FLRT2: variants seen among roughly 807,000 people sequenced by gnomAD.
FLRT2 encodes leucine-rich repeat transmembrane protein FLRT2.
A neutral mutation model predicts 40.0 loss-of-function variants in FLRT2; 15 were observed. The observed-to-expected ratio is 0.38, with a 90% CI of 0.25 to 0.58. FLRT2 has a LOEUF of 0.58. FLRT2 is among the 20% of genes least tolerant of loss of function. FLRT2 has a pLI of 0.71. For synonymous variants in FLRT2, 380 were observed against 336.8 expected (o/e 1.13, Z -1.41); for missense variants, 726 against 840.0 (o/e 0.86, Z 1.68).
rs926856205 is a variant in FLRT2, at chr14:85,594,848, C to T, written c.-376-26291C>T. Among the ~76,000 whole-genome samples, 3 of 152,188 alleles carry T rather than the reference C, an allele frequency of 2.0e-5. No individual in the cohort carries two copies. In the East Asian group the frequency reaches 5.8e-4, roughly 29 times the overall value. ...TAATAGCCTATTGTTGAGTGGAAGC[C>T]TCACCAATAACACAGTCGATTAACA... On this transcript the variant is annotated intron_variant, in intron 1 of 1. Coordinates refer to ENST00000330753, the MANE Select transcript of FLRT2 (RefSeq NM_013231.6).
intron 1 of FLRT2, among the ~76,000 whole-genome samples, chr14:85,602,894 C>T (rs368452030): frequency 3.3e-5 from 5 of 152,190 alleles, no homozygotes; most frequent in Non-Finnish European, 5.9e-5. Flanking sequence ...TTTAGGGTTT[C>T]GGGTTTTTTT....
rs565500720 is a variant in FLRT2 at position 85,633,370 on chromosome 14, T to C, written c.*9873T>C. 7 of 152,268 alleles carry C rather than the reference T, an allele frequency of 4.6e-5. No homozygotes were observed. In the South Asian group the frequency reaches 1.5e-3, roughly 32 times the overall value. The allele number at this position is 152,268 out of a possible 1,614,324, so 9.4% of individuals were successfully genotyped here. The stretch of plus-strand genomic sequence containing the variant: ...AAAGAGAACAGACTTCTTTATAATG[T>C]AGCATATATTCTATCTGGTTGCTAG... On this transcript the variant is annotated 3_prime_UTR_variant, in exon 2 of 2. Transcript: ENST00000330753.
intron 1 of FLRT2, among the ~76,000 whole-genome samples, chr14:85,544,497 GTTA>G (rs918980922): frequency 2.4e-4 from 37 of 152,208 alleles, no homozygotes; most frequent in African/African-American, 8.7e-4. Context: ...TTTTTTGCTT[GTTA>G]TTATTTTGTT....
intron 1 of FLRT2, among the ~76,000 whole-genome samples, chr14:85,555,989 T>A (rs546609885): frequency 2.5e-4 from 38 of 152,302 alleles, no homozygotes; most frequent in African/African-American, 9.1e-4. Context: ...GTTTCTAATT[T>A]CTAGCAATGA....
rs1285065904 is a variant in FLRT2 at position 85,636,404 on chromosome 14, A to AC, written c.*12907_*12908insC. On this transcript the variant is annotated 3_prime_UTR_variant, in exon 2 of 2. Coordinates refer to ENST00000330753, the MANE Select transcript of FLRT2 (RefSeq NM_013231.6). ...AGTCACCTGCAGAAAAAAAAAAAAA[A>AC]AAAACAAAAAACATTCTTATTAATC... 11 of 86,290 alleles carry AC rather than the reference A, an allele frequency of 1.3e-4. No individual in the cohort carries two copies. Among genetic ancestry groups the AC allele is most frequent in the Non-Finnish European group, 2.3e-4 (8 of 34,952 alleles). The allele number at this position is 86,290 out of a possible 1,614,324, so 5.3% of individuals were successfully genotyped here. A position where few individuals can be genotyped will look rare whatever the true frequency, so the allele number is the denominator to read the frequency against.
chr14:85,627,428 G>A lies in FLRT2; in HGVS notation c.*3931G>A, dbSNP rs754320622. 5.4e-5 allele frequency: 9 copies of A among 167,034 alleles called. No individual in the cohort carries two copies. Among genetic ancestry groups the A allele is most frequent in the Non-Finnish European group, 8.8e-5 (6 of 68,110 alleles). The allele number at this position is 167,034 out of a possible 1,614,324, so 10.3% of individuals were successfully genotyped here. ...GAATGCTTGTCACTGTGGAGAAAGA[G>A]TTTTGTATATGTCTGATACCGTTGT... On this transcript the variant is annotated 3_prime_UTR_variant, in exon 2 of 2. Transcript: ENST00000330753.
In FLRT2 at chr14:85,530,317, G is replaced by A. The variant is rs1888193066; in HGVS notation, c.-594G>A. 1.3e-5 allele frequency: 2 copies of A among 152,778 alleles called. No homozygotes were observed. The highest frequency in any genetic ancestry group is 4.8e-5 in the African/African-American group (2 of 41,578). 9.5% of individuals were successfully genotyped at this position (152,778 alleles called of 1,614,324 possible). A position where few individuals can be genotyped will look rare whatever the true frequency, so the allele number is the denominator to read the frequency against. ...TCCTCCGTCCCTGGTGCCCAGCAGC[G>A]GCGAGGCGGCATCTCCGCTCCCGCC... On this transcript the variant is annotated 5_prime_UTR_variant, in exon 1 of 2. Coordinates refer to ENST00000330753, the MANE Select transcript of FLRT2 (RefSeq NM_013231.6).
intron 1 of FLRT2, among the ~76,000 whole-genome samples, chr14:85,546,481 C>T (rs1889287922): frequency 6.6e-6 from 1 of 152,110 alleles, no homozygotes; most frequent in African/African-American, 2.4e-5. Flanking sequence ...GGTGTGGTAG[C>T]AGTTAGGTGA....
chr14:85,565,357 C>T (rs1210871734), intron 1 of FLRT2, among the ~76,000 whole-genome samples: 1 of 152,146 alleles, frequency 6.6e-6, no homozygotes, highest in African/African-American at 2.4e-5. Flanking sequence ...TAATCTGTCA[C>T]ATTCATTTTA....
rs1429868260 is a variant in FLRT2 at position 85,632,707 on chromosome 14, G to A, written c.*9210G>A. 6.6e-6 allele frequency: 1 copy of A among 151,950 alleles called. No individual in the cohort carries two copies. The highest frequency in any genetic ancestry group is 1.5e-5 in the Non-Finnish European group (1 of 68,026). 9.4% of individuals were successfully genotyped at this position (151,950 alleles called of 1,614,324 possible). ...CATATATCATTTAAAGGTTCACATT[G>A]TGTTATCTTGGTTATTGCCATGAGA... On this transcript the variant is annotated 3_prime_UTR_variant, in exon 2 of 2. Coordinates refer to ENST00000330753, the MANE Select transcript of FLRT2 (RefSeq NM_013231.6).
intron 1 of FLRT2, among the ~76,000 whole-genome samples, chr14:85,586,190 AC>A (rs1891606709): frequency 6.6e-6 from 1 of 150,452 alleles, no homozygotes; most frequent in Non-Finnish European, 1.5e-5. Flanking sequence ...AATTCTAACA[AC>A]TCCATGATTT....
chr14:85,611,917 C>CATGT (rs1428003696), intron 1 of FLRT2, among the ~76,000 whole-genome samples: 3 of 130,932 alleles, frequency 2.3e-5, no homozygotes, highest in Admixed American at 7.6e-5. Context: ...TGCGCGAAAG[C>CATGT]GTGTGTGTGT....
rs1740293535 is a variant in FLRT2, at chr14:85,629,788, T to C, written c.*6291T>C. 1 of 152,216 alleles carries C rather than the reference T, an allele frequency of 6.6e-6. No individual in the cohort carries two copies. The highest frequency in any genetic ancestry group is 2.4e-5 in the African/African-American group (1 of 41,472). 9.4% of individuals were successfully genotyped at this position (152,216 alleles called of 1,614,324 possible). On this transcript the variant is annotated 3_prime_UTR_variant, in exon 2 of 2. Coordinates refer to ENST00000330753, the MANE Select transcript of FLRT2 (RefSeq NM_013231.6). The stretch of plus-strand genomic sequence containing the variant: ...CAGTGGATACATATATTATCATTTA[T>C]GGCAAATAAAGGGAACATTTTAGAA...
chr14:85,530,916 C>T (rs1888233072), intron 1 of FLRT2, among the ~76,000 whole-genome samples: 1 of 152,144 alleles, frequency 6.6e-6, no homozygotes, highest in African/African-American at 2.4e-5. Context: ...CAGTAACAAC[C>T]CTCTCCCCTC....
rs1267472830 is a variant in FLRT2, at chr14:85,640,957, T to G, written c.*17460T>G. ...GTGACCTTGGGCAAGTTGCTTAAACTGTAGCCATAATTTCCTCATAGATTT... is the reference window on the plus strand; with the variant it reads ...GTGACCTTGGGCAAGTTGCTTAAACGGTAGCCATAATTTCCTCATAGATTT... On this transcript the variant is annotated 3_prime_UTR_variant, in exon 2 of 2. Coordinates refer to ENST00000330753, the MANE Select transcript of FLRT2 (RefSeq NM_013231.6). 2.6e-5 allele frequency: 4 copies of G among 152,318 alleles called. No individual in the cohort carries two copies. The South Asian group carries it at 6.2e-4, about 24-fold the overall frequency. 9.4% of individuals were successfully genotyped at this position (152,318 alleles called of 1,614,324 possible).
At position 85,650,883 on chromosome 14, in the gene FLRT2, G is replaced by A. The variant is rs976110319; in HGVS notation, c.*27386G>A. On this transcript the variant is annotated 3_prime_UTR_variant, in exon 2 of 2. Coordinates refer to ENST00000330753, the MANE Select transcript of FLRT2 (RefSeq NM_013231.6). ...TTTTTAAGAGACAAGGTCTTACCCT[G>A]TCATCCAGGCTAGGATGCAGTAGCA... 1 of 151,518 alleles carries A rather than the reference G, an allele frequency of 6.6e-6. No homozygotes were observed. Among genetic ancestry groups the A allele is most frequent in the Non-Finnish European group, 1.5e-5 (1 of 67,918 alleles). The allele number at this position is 151,518 out of a possible 1,614,324, so 9.4% of individuals were successfully genotyped here. A position where few individuals can be genotyped will look rare whatever the true frequency, so the allele number is the denominator to read the frequency against.
chr14:85,590,259 C>G (rs571443776), intron 1 of FLRT2, among the ~76,000 whole-genome samples: 5 of 151,934 alleles, frequency 3.3e-5, no homozygotes, highest in Non-Finnish European at 7.4e-5. Context: ...CAAAACTGCC[C>G]CCTTTAGAAT....
intron 1 of FLRT2, among the ~76,000 whole-genome samples, chr14:85,609,147 A>C (rs1028532807): frequency 5.3e-5 from 8 of 152,138 alleles, no homozygotes; most frequent in Non-Finnish European, 1.0e-4. Flanking sequence ...ACAAGCTTAG[A>C]AGTGTCATAA....
intron 1 of FLRT2, among the ~76,000 whole-genome samples, chr14:85,561,692 T>C (rs1364543495): frequency 6.6e-6 from 1 of 152,342 alleles, no homozygotes; most frequent in Admixed American, 6.5e-5. Context: ...AGTTACAGAA[T>C]GACTGCCTAG....
Sources: allele counts gnomAD v4.1 joint callset (sites outside exome capture counted in the v4.1 genomes callset), GRCh38; gene constraint gnomAD v4.1.1; transcripts MANE v1.5; gene names NCBI Gene and HGNC (gene_info 2026-07-23, HGNC 2026-07-21).